The following SPOCK1 variants were observed in gnomAD, a reference collection of about 807,000 sequenced individuals.
The protein encoded by SPOCK1 is SPARC (osteonectin), cwcv and kazal like domains proteoglycan 1, also known as testican-1.
A neutral mutation model predicts 55.3 loss-of-function variants in SPOCK1; 23 were observed. That is an observed-to-expected ratio of 0.42 (90% confidence interval 0.30 to 0.59). The LOEUF (loss-of-function observed/expected upper bound fraction) is 0.59. SPOCK1 is among the 20% of genes least tolerant of loss of function. The pLI is 0.22. For missense variants in SPOCK1, 499 were observed against 552.5 expected, an observed-to-expected ratio of 0.90 and a Z score of 0.97; for synonymous variants, 226 against 221.0, an observed-to-expected ratio of 1.02 and a Z score of -0.20.
At chr5:137,348,583 C>T (rs1750611309) in intron 2 of SPOCK1, among the ~76,000 whole-genome samples, 1 of 152,046 alleles carries the variant, frequency 6.6e-6, no homozygotes, top group Non-Finnish European at 1.5e-5. Flanking sequence ...TGTCTTTGTG[C>T]CCTGCTCAGG....
At chr5:137,308,609 T>C (rs1416964270) in intron 2 of SPOCK1, among the ~76,000 whole-genome samples, 2 of 152,194 alleles carry the variant, frequency 1.3e-5, no homozygotes, top group Non-Finnish European at 2.9e-5. Context: ...CATCACTGCC[T>C]CCTCCCGTGT....
chr5:137,335,249 T>C (rs1750232412), intron 2 of SPOCK1, among the ~76,000 whole-genome samples: 1 of 152,182 alleles, frequency 6.6e-6, no homozygotes, highest in Admixed American at 6.5e-5. Context: ...TAGTTAATGA[T>C]ATGGGGAAAT....
intron 4 of SPOCK1, among the ~76,000 whole-genome samples, chr5:137,126,028 T>C (rs1561618601): frequency 6.6e-6 from 1 of 152,196 alleles, no homozygotes. Context: ...CCCCTCCAAA[T>C]CTCAAGTTTG....
At chr5:137,246,106 C>G (rs909806550) in intron 3 of SPOCK1, among the ~76,000 whole-genome samples, 5 of 152,224 alleles carry the variant, frequency 3.3e-5, no homozygotes, top group African/African-American at 2.4e-5. Flanking sequence ...AGCAGCCCAT[C>G]ATTATAGTCA....
At chr5:137,115,632 G>C (rs965093840) in intron 4 of SPOCK1, among the ~76,000 whole-genome samples, 2 of 152,120 alleles carry the variant, frequency 1.3e-5, no homozygotes, top group African/African-American at 4.8e-5. Context: ...TGGGCACAAA[G>C]GGCAAGCCAT....
chr5:137,175,324 C>A (rs1754834488), intron 3 of SPOCK1, among the ~76,000 whole-genome samples: 1 of 152,066 alleles, frequency 6.6e-6, no homozygotes, highest in Non-Finnish European at 1.5e-5. Flanking sequence ...AGGTAGGAGG[C>A]CAGTGAGGCT....
At chr5:137,280,589 A>G (rs1412231664) in intron 2 of SPOCK1, among the ~76,000 whole-genome samples, 2 of 152,238 alleles carry the variant, frequency 1.3e-5, no homozygotes, top group Non-Finnish European at 2.9e-5. Context: ...AGATCTTTAA[A>G]AATCCCTTTC....
Position 137,195,598 on chromosome 5 carries a change from A to G in SPOCK1, c.233-54904T>C, listed in dbSNP as rs867170101. 1.6e-4 allele frequency among the ~76,000 whole-genome samples: 25 copies of G among 152,334 alleles called. No homozygotes were observed. The South Asian group carries it at 3.1e-3, about 19-fold the overall frequency. The stretch of plus-strand genomic sequence containing the variant: ...CGGCCACCCTATTTGGCCACAGGCT[A>G]CAGTAGGCCAGCCTTGAGCTTGGAC... On this transcript the variant is annotated intron_variant, in intron 3 of 10. Transcript: ENST00000394945.
At chr5:137,391,184 G>A (rs760910728) in intron 2 of SPOCK1, among the ~76,000 whole-genome samples, 3 of 152,124 alleles carry the variant, frequency 2.0e-5, no homozygotes, top group Non-Finnish European at 4.4e-5. Flanking sequence ...AGTTTGCTGA[G>A]AATGATGGTT....
chr5:137,105,129 A>G (rs1221647421), intron 5 of SPOCK1, among the ~76,000 whole-genome samples: 1 of 152,204 alleles, frequency 6.6e-6, no homozygotes, highest in African/African-American at 2.4e-5. Context: ...AGATGGGAAC[A>G]TCCAGTGACT....
In SPOCK1 at chr5:137,148,016, C is replaced by T. The variant is rs568788957; in HGVS notation, c.233-7322G>A. Among the ~76,000 whole-genome samples the T allele has an allele frequency of 1.2e-4, 19 of 152,262 alleles. No individual in the cohort carries two copies. The South Asian group carries it at 1.7e-3, about 13-fold the overall frequency. ...CAGACCTGCCTTCTTCCAAAAGAAG[C>T]GCCTTTCCCTTCCCTACCCTTCCTC... On this transcript the variant is annotated intron_variant, in intron 3 of 10. Coordinates refer to ENST00000394945, the MANE Select transcript of SPOCK1 (RefSeq NM_004598.4).
intron 2 of SPOCK1, among the ~76,000 whole-genome samples, chr5:137,391,246 C>T (rs149146703): frequency 0.023 from 3,429 of 152,274 alleles, 123 homozygotes; most frequent in African/African-American, 0.078. Context: ...CTTTTTATGG[C>T]TGCATAGTAT....
chr5:137,187,332 T>A (rs1321268757), intron 3 of SPOCK1, among the ~76,000 whole-genome samples: 1 of 152,216 alleles, frequency 6.6e-6, no homozygotes, highest in East Asian at 1.9e-4. Context: ...GTTTACCTCA[T>A]GCTTTCTCTT....
At chr5:137,382,019 T>C (rs1751482609) in intron 2 of SPOCK1, among the ~76,000 whole-genome samples, 1 of 152,192 alleles carries the variant, frequency 6.6e-6, no homozygotes, top group African/African-American at 2.4e-5. Flanking sequence ...CATACGAGCA[T>C]ATACATTTAG....
intron 2 of SPOCK1, among the ~76,000 whole-genome samples, chr5:137,318,874 G>T (rs1424020070): frequency 6.6e-6 from 1 of 152,086 alleles, no homozygotes; most frequent in African/African-American, 2.4e-5. Context: ...TCAATAATGT[G>T]GATTTACTGA....
At chr5:137,441,738 A>C (rs1222743220) in intron 2 of SPOCK1, among the ~76,000 whole-genome samples, 4 of 152,216 alleles carry the variant, frequency 2.6e-5, no homozygotes, top group African/African-American at 9.6e-5. Flanking sequence ...TTAGCAAAAG[A>C]GCACAGACCC....
chr5:137,059,965 T>A (rs963622053), intron 6 of SPOCK1, among the ~76,000 whole-genome samples: 7 of 152,222 alleles, frequency 4.6e-5, no homozygotes, highest in Non-Finnish European at 7.3e-5. Flanking sequence ...CTGGCAAGGC[T>A]GCAGAGAAAA....
chr5:137,105,976 G>A (rs544085855), intron 5 of SPOCK1, among the ~76,000 whole-genome samples: 8 of 152,260 alleles, frequency 5.3e-5, no homozygotes, highest in South Asian at 4.1e-4. Context: ...CAGTGGTGGC[G>A]CTTAGTGGGC....
At chr5:137,101,156 T>C (rs796809537) in intron 5 of SPOCK1, among the ~76,000 whole-genome samples, 9 of 152,352 alleles carry the variant, frequency 5.9e-5, no homozygotes, top group African/African-American at 9.6e-5. Flanking sequence ...ATATTCTGTT[T>C]GTCTCCTTTA....
Sources: allele counts gnomAD v4.1 joint callset (sites outside exome capture counted in the v4.1 genomes callset), GRCh38; gene constraint gnomAD v4.1.1; transcripts MANE v1.5; gene names NCBI Gene and HGNC (gene_info 2026-07-23, HGNC 2026-07-21).